The following PTPRR variants were observed in gnomAD, a reference collection of about 807,000 sequenced individuals.
PTPRR encodes receptor-type tyrosine-protein phosphatase R.
PTPRR carries 38 observed loss-of-function variants against 77.2 expected under a neutral mutation model. The observed-to-expected ratio is 0.49, with a 90% confidence interval of 0.38 to 0.65. The LOEUF is 0.65. Among genes scored for constraint, PTPRR ranks in the 30% least tolerant of loss-of-function variants. The pLI is 0.00. For missense variants in PTPRR, 744 were observed against 799.2 expected (o/e 0.93, Z 0.83); for synonymous variants, 299 against 283.1 (o/e 1.06, Z -0.57).
chr12:70,839,321 G>A (rs573271244), intron 2 of PTPRR, among the ~76,000 whole-genome samples: 1 of 150,084 alleles, frequency 6.7e-6, no homozygotes, highest in Non-Finnish European at 1.5e-5. Context: ...CTGGATATGT[G>A]TGTGTGTGTG....
rs532169357 is a variant in PTPRR at position 70,765,098 on chromosome 12, T to C, written c.358-320A>G. 1.8e-4 allele frequency among the ~76,000 whole-genome samples: 27 copies of C among 152,260 alleles called. No homozygotes were observed. The East Asian group carries it at 4.8e-3, about 27-fold the overall frequency. On this transcript the variant is annotated intron_variant, in intron 2 of 13. Transcript: ENST00000283228. ...TGTGAGTGATGCAGAAGATGGGTGA[T>C]TTCTGCATTTCCATCTGAGGTACCA...
At chr12:70,903,997 A>AAT (rs1201583650) in intron 1 of PTPRR, among the ~76,000 whole-genome samples, 1 of 151,908 alleles carries the variant, frequency 6.6e-6, no homozygotes, top group Admixed American at 6.6e-5. Flanking sequence ...TCTATTAGCC[A>AAT]ATAGGAAAAT....
At chr12:70,731,097 G>GGAGAGAGAGGGAGGAAGGA (rs1889644760) in intron 6 of PTPRR, among the ~76,000 whole-genome samples, 1 of 138,060 alleles carries the variant, frequency 7.2e-6, no homozygotes, top group African/African-American at 2.8e-5. Flanking sequence ...GAAGGAGGAA[G>GGAGAGAGAGGGAGGAAGGA]GAGAGAGAGG....
At chr12:70,728,545 A>G (rs1195781631) in intron 6 of PTPRR, among the ~76,000 whole-genome samples, 2 of 139,496 alleles carry the variant, frequency 1.4e-5, no homozygotes, top group Non-Finnish European at 3.1e-5. Context: ...ATATATATAT[A>G]TATATATATA....
chr12:70,667,845 A>G (rs1887067581), intron 10 of PTPRR, among the ~76,000 whole-genome samples: 1 of 151,894 alleles, frequency 6.6e-6, no homozygotes, highest in Admixed American at 6.6e-5. Flanking sequence ...CCTTGTTTGG[A>G]TAGACCCTCT....
chr12:70,912,190 T>C (rs1318816969), intron 1 of PTPRR, among the ~76,000 whole-genome samples: 1 of 152,236 alleles, frequency 6.6e-6, no homozygotes, highest in Non-Finnish European at 1.5e-5. Context: ...ATATTATGTT[T>C]GATCATTTTT....
rs566037505 is a variant in PTPRR, at chr12:70,871,620, A to C, written c.357+21059T>G. 3.8e-4 allele frequency among the ~76,000 whole-genome samples: 58 copies of C among 152,350 alleles called. 1 individual carries two copies. The South Asian group carries it at 0.012, about 32-fold the overall frequency. On this transcript the variant is annotated intron_variant, in intron 2 of 13. Coordinates refer to ENST00000283228, the MANE Select transcript of PTPRR (RefSeq NM_002849.4). ...TTTGTTGGCAATATTTAGAAAAATT[A>C]TATGGGGACTGTCTCAGTACTTGAG...
intron 10 of PTPRR, among the ~76,000 whole-genome samples, chr12:70,679,317 A>G (rs998522804): frequency 6.6e-6 from 1 of 152,166 alleles, no homozygotes; most frequent in African/African-American, 2.4e-5. Flanking sequence ...ATCTTTTAAA[A>G]TTTGTTAAGG....
At chr12:70,803,855 T>G (rs1003690241) in intron 2 of PTPRR, among the ~76,000 whole-genome samples, 1 of 152,164 alleles carries the variant, frequency 6.6e-6, no homozygotes, top group South Asian at 2.1e-4. Context: ...CACTAAGGTG[T>G]GCATGCATGT....
At position 70,709,699 on chromosome 12, in the gene PTPRR, G is replaced by T. The variant is rs190226542; in HGVS notation, c.1008-8376C>A. ...CTAGCATTCTTGTACACCAACAACA[G>T]TCAAGCCAAGAGGCAAATCAGGAAT... On this transcript the variant is annotated intron_variant, in intron 6 of 13. Transcript: ENST00000283228. Among the ~76,000 whole-genome samples the T allele has an allele frequency of 3.9e-5, 6 of 152,176 alleles. 1 individual carries two copies. Among genetic ancestry groups the T allele is most frequent in the African/African-American group, 1.4e-4 (6 of 41,538 alleles).
In PTPRR at chr12:70,808,784, G is replaced by A. The variant is rs57443671; in HGVS notation, c.358-44006C>T. 7.1e-3 allele frequency among the ~76,000 whole-genome samples: 1,076 copies of A among 152,142 alleles called. 17 individuals carry two copies. Among genetic ancestry groups the A allele is most frequent in the African/African-American group, 0.024 (1,015 of 41,498 alleles). On this transcript the variant is annotated intron_variant, in intron 2 of 13. Transcript: ENST00000283228. The stretch of plus-strand genomic sequence containing the variant: ...CATTTGCCTCTTCCTCAGACATGCC[G>A]TGCCATTTTTACCCCTATTGCCTTT...
intron 10 of PTPRR, among the ~76,000 whole-genome samples, chr12:70,665,895 G>A (rs1207026759): frequency 6.6e-6 from 1 of 152,018 alleles, no homozygotes; most frequent in Non-Finnish European, 1.5e-5. Flanking sequence ...CATAGAATGT[G>A]GCTCTAAGTA....
At chr12:70,727,191 G>T (rs968578288) in intron 6 of PTPRR, among the ~76,000 whole-genome samples, 1 of 151,486 alleles carries the variant, frequency 6.6e-6, no homozygotes, top group African/African-American at 2.4e-5. Context: ...GATCCTAATT[G>T]GATGGAACTA....
At chr12:70,695,545 G>A (rs189695402) in intron 8 of PTPRR, among the ~76,000 whole-genome samples, 155 of 152,238 alleles carry the variant, frequency 1.0e-3, no homozygotes, top group East Asian at 7.9e-3. Flanking sequence ...TTCTGTGAAC[G>A]GAAAAACTGA....
chr12:70,907,854 A>G (rs1382293460), intron 1 of PTPRR, among the ~76,000 whole-genome samples: 2 of 152,180 alleles, frequency 1.3e-5, no homozygotes, highest in Non-Finnish European at 1.5e-5. Flanking sequence ...AATGTTATAC[A>G]GCCATTAAGA....
chr12:70,646,375 A>C (rs1357708195), intron 13 of PTPRR, among the ~76,000 whole-genome samples: 1 of 152,214 alleles, frequency 6.6e-6, no homozygotes. Context: ...TCTCCAAAAT[A>C]GATGTGTTCT....
At chr12:70,776,161 C>T (rs1891083378) in intron 2 of PTPRR, among the ~76,000 whole-genome samples, 1 of 152,140 alleles carries the variant, frequency 6.6e-6, no homozygotes, top group Non-Finnish European at 1.5e-5. Context: ...TCTACATTCA[C>T]ATAATGGAAT....
At chr12:70,829,357 T>C (rs1892171814) in intron 2 of PTPRR, among the ~76,000 whole-genome samples, 1 of 152,150 alleles carries the variant, frequency 6.6e-6, no homozygotes, top group African/African-American at 2.4e-5. Flanking sequence ...AGGAAGGACA[T>C]TCTTACTGAC....
chr12:70,802,679 T>C (rs1215499606), intron 2 of PTPRR, among the ~76,000 whole-genome samples: 1 of 152,216 alleles, frequency 6.6e-6, no homozygotes, highest in African/African-American at 2.4e-5. Context: ...ATGAAGCTAT[T>C]GGAAGACCTG....
Sources: allele counts gnomAD v4.1 joint callset (sites outside exome capture counted in the v4.1 genomes callset), GRCh38; gene constraint gnomAD v4.1.1; transcripts MANE v1.5; gene names NCBI Gene and HGNC (gene_info 2026-07-23, HGNC 2026-07-21).